Variants in TAFA5 observed in about 807,000 individuals in gnomAD.
TAFA5 encodes the protein chemokine-like protein TAFA-5.
Under a neutral mutation model 15.3 loss-of-function variants are expected in TAFA5, and 6 were observed. The ratio of observed to expected loss-of-function variants is 0.39; its 90% CI spans 0.21 to 0.77. The LOEUF (loss-of-function observed/expected upper bound fraction) is 0.77, where lower values mean the gene tolerates loss of function less well. Ranked by LOEUF, TAFA5 falls within the 30% of genes least tolerant of loss-of-function variation. The pLI is 0.41. For missense variants in TAFA5, 161 were observed against 193.1 expected, an observed-to-expected ratio of 0.83 and a Z score of 0.98; for synonymous variants, 103 against 80.7, an observed-to-expected ratio of 1.28 and a Z score of -1.48.
rs149539905 is a variant in TAFA5, at chr22:48,610,446, C to T, written c.113-36151C>T. Among the ~76,000 whole-genome samples the T allele has an allele frequency of 5.6e-3, 850 of 152,338 alleles. 5 individuals carry two copies. The highest frequency in any genetic ancestry group is 0.02 in the African/African-American group (823 of 41,562). ...CACGACGAAAGGTACACTGAGGAAG[C>T]GCCCTCAGGCACCCAGTGAACTGCG... On this transcript the variant is annotated intron_variant, in intron 1 of 3. Transcript: ENST00000402357.
intron 2 of TAFA5, among the ~76,000 whole-genome samples, chr22:48,697,822 G>A (rs1000612491): frequency 1.3e-5 from 2 of 151,708 alleles, no homozygotes; most frequent in African/African-American, 4.8e-5. Context: ...TGGTAGTGGT[G>A]GTGATGTTGG....
At chr22:48,605,168 A>G (rs1467326440) in intron 1 of TAFA5, among the ~76,000 whole-genome samples, 1 of 81,576 alleles carries the variant, frequency 1.2e-5, no homozygotes, top group African/African-American at 5.4e-5. Flanking sequence ...GGTTATGATT[A>G]TGATAGTGAT....
chr22:48,586,477 C>G (rs116053508), intron 1 of TAFA5, among the ~76,000 whole-genome samples: 1 of 152,274 alleles, frequency 6.6e-6, no homozygotes, highest in South Asian at 2.1e-4. Context: ...AGTGGAAGCC[C>G]GAGGACTTCC....
intron 1 of TAFA5, among the ~76,000 whole-genome samples, chr22:48,629,821 C>A (rs1410074123): frequency 6.6e-6 from 1 of 152,264 alleles, no homozygotes; most frequent in Non-Finnish European, 1.5e-5. Context: ...CTGCAGGAAA[C>A]CCTGGATCAC....
intron 1 of TAFA5, chr22:48,576,318 C>T: frequency 1.0e-6 from 1 of 1,003,692 alleles, no homozygotes; most frequent in Non-Finnish European, 1.2e-6. Context: ...AGACACAAAT[C>T]GCCTCCCGGA....
chr22:48,495,357 ACAGT>A, intron 1 of TAFA5, among the ~76,000 whole-genome samples: 1 of 152,228 alleles, frequency 6.6e-6, no homozygotes, highest in East Asian at 1.9e-4. Context: ...AGGGGAGGGG[ACAGT>A]CAGTCGGCAC....
At chr22:48,673,104 G>A (rs1421322988) in intron 2 of TAFA5, among the ~76,000 whole-genome samples, 1 of 152,080 alleles carries the variant, frequency 6.6e-6, no homozygotes, top group African/African-American at 2.4e-5. Context: ...TTCATCTGGG[G>A]CACTGTGCTC....
chr22:48,633,767 T>A (rs1449663902), intron 1 of TAFA5, among the ~76,000 whole-genome samples: 1 of 152,162 alleles, frequency 6.6e-6, no homozygotes, highest in Non-Finnish European at 1.5e-5. Flanking sequence ...AGTTACATAT[T>A]AAGTCATCTT....
At chr22:48,493,589 G>A (rs1036043499) in intron 1 of TAFA5, among the ~76,000 whole-genome samples, 3 of 152,200 alleles carry the variant, frequency 2.0e-5, no homozygotes, top group African/African-American at 7.2e-5. Flanking sequence ...CCGTTCAGAA[G>A]TTTATTTCTC....
At chr22:48,539,545 A>G in intron 1 of TAFA5, 1 of 462,178 alleles carries the variant, frequency 2.2e-6, no homozygotes, top group South Asian at 1.6e-5. Flanking sequence ...TTCTCTTCCC[A>G]CTTTCTGTAT....
At chr22:48,735,450 G>GA (rs1178181942) in intron 3 of TAFA5, among the ~76,000 whole-genome samples, 1 of 152,184 alleles carries the variant, frequency 6.6e-6, no homozygotes, top group Non-Finnish European at 1.5e-5. Flanking sequence ...GAAGCAGCCA[G>GA]AAAAAATGAC....
chr22:48,565,249 G>A (rs1041169781), intron 1 of TAFA5, among the ~76,000 whole-genome samples: 1 of 151,880 alleles, frequency 6.6e-6, no homozygotes, highest in African/African-American at 2.4e-5. Flanking sequence ...ACCCTGAGAA[G>A]GCACAGTAGG....
chr22:48,706,061 TG>T (rs1929068565), intron 2 of TAFA5, among the ~76,000 whole-genome samples: 1 of 152,006 alleles, frequency 6.6e-6, no homozygotes, highest in African/African-American at 2.4e-5. Context: ...CTGGGGGCCA[TG>T]GGGGCCACTC....
Position 48,625,577 on chromosome 22 carries a change from T to C in TAFA5, c.113-21020T>C, listed in dbSNP as rs1342043435. ...TTTCAGTCTTACAGACCTCACCCCTTTCCAGAATCACACCGGGGAGCTCCT... is the reference window on the plus strand; with the variant it reads ...TTTCAGTCTTACAGACCTCACCCCTCTCCAGAATCACACCGGGGAGCTCCT... On this transcript the variant is annotated intron_variant, in intron 1 of 3. Transcript: ENST00000402357. Among the ~76,000 whole-genome samples, 3 of 152,328 alleles carry C rather than the reference T, an allele frequency of 2.0e-5. No individual in the cohort carries two copies. The East Asian group carries it at 5.8e-4, about 29-fold the overall frequency.
In TAFA5 at chr22:48,591,884, C is replaced by T. The variant is rs142083658; in HGVS notation, c.113-54713C>T. 2.7e-4 allele frequency among the ~76,000 whole-genome samples: 41 copies of T among 152,306 alleles called. No individual in the cohort carries two copies. The East Asian group carries it at 5.6e-3, about 21-fold the overall frequency. On this transcript the variant is annotated intron_variant, in intron 1 of 3. Transcript: ENST00000402357. ...CTCCCTCTCAGGGCAGCCAGCATCC[C>T]GGGCGCCTGGGCCCGGTGTCTGTCT...
chr22:48,685,982 G>A (rs1385157725), intron 2 of TAFA5, among the ~76,000 whole-genome samples: 2 of 148,558 alleles, frequency 1.3e-5, no homozygotes, highest in Admixed American at 6.6e-5. Context: ...CAGGCCCCAC[G>A]TGCGCCCCGG....
At chr22:48,527,884 T>C (rs1216368326) in intron 1 of TAFA5, among the ~76,000 whole-genome samples, 4 of 152,220 alleles carry the variant, frequency 2.6e-5, no homozygotes, top group Non-Finnish European at 5.9e-5. Context: ...AGGCCCGTGT[T>C]ACATGCCAGC....
rs565696515 is a variant in TAFA5, at chr22:48,735,272, A to G, written c.391-14567A>G. ...CACCCCGACTGACCTCAGAACCTCA[A>G]ACGTAGGACAGTCCAGTCACATGCA... is the stretch of plus-strand genomic sequence containing the variant. On this transcript the variant is annotated intron_variant, in intron 3 of 3. Coordinates refer to ENST00000402357, the MANE Select transcript of TAFA5 (RefSeq NM_001082967.3). Among the ~76,000 whole-genome samples, 214 of 152,280 alleles carry G rather than the reference A, an allele frequency of 1.4e-3. 1 individual carries two copies. Among genetic ancestry groups the G allele is most frequent in the African/African-American group, 4.3e-3 (179 of 41,542 alleles).
intron 1 of TAFA5, among the ~76,000 whole-genome samples, chr22:48,498,289 G>T (rs1361537220): frequency 1.3e-5 from 2 of 150,872 alleles, no homozygotes; most frequent in African/African-American, 2.4e-5. Context: ...TGGAGGCGGG[G>T]CTGAAGAGTG....
Sources: gnomAD v4.1 joint callset for allele counts (sites outside exome capture counted in the v4.1 genomes callset) on GRCh38, gnomAD v4.1.1 for gene constraint, MANE v1.5 for transcripts, NCBI Gene and HGNC (gene_info 2026-07-23, HGNC 2026-07-21) for gene names.